Variants in GPHN observed in about 807,000 individuals in gnomAD.
The protein encoded by GPHN is gephyrin.
In GPHN, 17 loss-of-function variants were observed where a neutral mutation model predicts 95.5. That is an observed-to-expected ratio of 0.18 (90% CI 0.12 to 0.27). The LOEUF is 0.27. Ranked by LOEUF, GPHN falls within the 10% of genes least tolerant of loss-of-function variation. The pLI is 1.00. For synonymous variants in GPHN, 320 were observed against 322.5 expected, an observed-to-expected ratio of 0.99 and a Z score of 0.08; for missense variants, 660 against 978.1, an observed-to-expected ratio of 0.67 and a Z score of 4.34.
chr14:67,580,090 G>A, the GPHN span: 3 of 534,746 alleles, frequency 5.6e-6, no homozygotes, highest in South Asian at 2.4e-5. Context: ...AGACAAGATC[G>A]CTACACACCT....
chr14:67,266,337 A>AT, the GPHN span, among the ~76,000 whole-genome samples: 5 of 151,046 alleles, frequency 3.3e-5, no homozygotes, highest in African/African-American at 2.4e-5. Context: ...AAATATTTCA[A>AT]TTTTTTTTTG....
At chr14:67,583,629 G>T in the GPHN span, 3 of 719,640 alleles carry the variant, frequency 4.2e-6, no homozygotes, top group South Asian at 7.4e-5. Context: ...ACAACCACTC[G>T]CACCCCACCA....
At chr14:67,582,549 T>C in the GPHN span, among the ~76,000 whole-genome samples, 1 of 152,196 alleles carries the variant, frequency 6.6e-6, no homozygotes, top group Non-Finnish European at 1.5e-5. This position sits in a 1 kb window ranked among gnomAD's most constrained non-coding sequence, Gnocchi z 5.0. Context: ...CCGGGAGCAG[T>C]GGCTCATGCC....
intron 9 of GPHN, among the ~76,000 whole-genome samples, chr14:66,982,497 C>T (rs969873225): frequency 6.6e-5 from 10 of 152,098 alleles, no homozygotes; most frequent in African/African-American, 2.4e-4. Context: ...TACAGTGCAA[C>T]ATTTTCAGAA....
the GPHN span, among the ~76,000 whole-genome samples, chr14:67,637,075 A>T: frequency 6.6e-6 from 1 of 152,154 alleles, no homozygotes; most frequent in African/African-American, 2.4e-5. Context: ...GTTTCTTATG[A>T]CCTATGAACC....
the GPHN span, chr14:67,578,743 G>A: frequency 1.3e-4 from 94 of 739,736 alleles, no homozygotes; most frequent in Admixed American, 7.1e-4. The surrounding 1 kb of genome is among the most constrained non-coding windows in gnomAD (Gnocchi z 5.0). Context: ...CTCTGAAACC[G>A]CTCAGTGGTC....
At chr14:67,064,918 G>T (rs1175664530) in intron 11 of GPHN, among the ~76,000 whole-genome samples, 1 of 151,994 alleles carries the variant, frequency 6.6e-6, no homozygotes, top group Non-Finnish European at 1.5e-5. Flanking sequence ...AGGGTTTTTC[G>T]TGTCTCTGTC....
At chr14:66,542,830 G>A (rs1476106942) in intron 1 of GPHN, among the ~76,000 whole-genome samples, 2 of 152,092 alleles carry the variant, frequency 1.3e-5, no homozygotes, top group Non-Finnish European at 2.9e-5. Context: ...TTAGGCTTCT[G>A]CCATTATCAC....
the GPHN span, among the ~76,000 whole-genome samples, chr14:67,267,359 A>G: frequency 6.6e-6 from 1 of 151,996 alleles, no homozygotes; most frequent in African/African-American, 2.4e-5. Flanking sequence ...CCCAGGTTCA[A>G]GTGATTCTCC....
intron 1 of GPHN, among the ~76,000 whole-genome samples, chr14:66,668,283 T>C (rs1447353296): frequency 6.6e-6 from 1 of 152,206 alleles, no homozygotes; most frequent in Non-Finnish European, 1.5e-5. Flanking sequence ...CATTACTGGG[T>C]ATATACCCAA....
At chr14:67,406,777 A>T in the GPHN span, among the ~76,000 whole-genome samples, 1 of 152,194 alleles carries the variant, frequency 6.6e-6, no homozygotes, top group East Asian at 1.9e-4. Context: ...CTCTACAGAT[A>T]AACCACACCA....
chr14:67,662,519 C>A, the GPHN span: 2 of 1,611,498 alleles, frequency 1.2e-6, no homozygotes, highest in Non-Finnish European at 1.7e-6. Flanking sequence ...AATCCCTGAT[C>A]AATTTCTTCT....
the GPHN span, chr14:67,386,622 C>A: frequency 6.6e-6 from 1 of 152,196 alleles, no homozygotes; most frequent in African/African-American, 2.4e-5. Flanking sequence ...AATTTAATGC[C>A]TTGATATAAA....
At chr14:67,291,277 A>G in the GPHN span, among the ~76,000 whole-genome samples, 1 of 150,810 alleles carries the variant, frequency 6.6e-6, no homozygotes, top group Non-Finnish European at 1.5e-5. Flanking sequence ...TGCCCAGGCT[A>G]GAATGCAATG....
the GPHN span, among the ~76,000 whole-genome samples, chr14:67,638,200 T>C: frequency 6.6e-6 from 1 of 152,154 alleles, no homozygotes; most frequent in Non-Finnish European, 1.5e-5. Context: ...TTTACTCTAA[T>C]AACCTTACTT....
chr14:66,870,973 G>C (rs1171547988), intron 4 of GPHN, among the ~76,000 whole-genome samples: 1 of 152,098 alleles, frequency 6.6e-6, no homozygotes, highest in South Asian at 2.1e-4. Flanking sequence ...GTGAAATGAG[G>C]CATTCAAAGT....
the GPHN span, among the ~76,000 whole-genome samples, chr14:67,404,469 A>G: frequency 6.6e-6 from 1 of 151,960 alleles, no homozygotes; most frequent in Non-Finnish European, 1.5e-5. Flanking sequence ...AAACAAAACT[A>G]AACAACAAAC....
intron 1 of GPHN, among the ~76,000 whole-genome samples, chr14:66,658,947 T>C (rs1267425478): frequency 2.6e-5 from 4 of 151,938 alleles, no homozygotes; most frequent in Non-Finnish European, 5.9e-5. Context: ...TTTAATGTTA[T>C]TGGTTTGTGC....
At chr14:67,695,646 CCATATACA>C in the GPHN span, 1 of 1,614,162 alleles carries the variant, frequency 6.2e-7, no homozygotes, top group Non-Finnish European at 8.5e-7. Flanking sequence ...TGGGGCGCAG[CCATATACA>C]GAAGGAAGGG....
Sources: gnomAD v4.1 joint callset for allele counts (sites outside exome capture counted in the v4.1 genomes callset) on GRCh38, gnomAD v4.1.1 for gene constraint, Gnocchi (gnomAD v3.1) non-coding constraint, MANE v1.5 for transcripts, NCBI Gene and HGNC (gene_info 2026-07-23, HGNC 2026-07-21) for gene names.